Variants in NFASC observed in about 807,000 individuals in gnomAD.
NFASC encodes the protein neurofascin, also known as neurofascin homolog.
Under a neutral mutation model 147.5 loss-of-function variants are expected in NFASC, and 43 were observed. The ratio of observed to expected loss-of-function variants is 0.29; its 90% CI spans 0.23 to 0.38. The LOEUF (loss-of-function observed/expected upper bound fraction) is 0.38, where lower values mean the gene tolerates loss of function less well. Among genes scored for constraint, NFASC ranks in the 10% least tolerant of loss-of-function variants. The pLI is 1.00. For missense variants in NFASC, 1,320 were observed against 1,689.0 expected (o/e 0.78, Z 3.83); for synonymous variants, 622 against 665.5 (o/e 0.93, Z 1.01).
chr1:204,848,312 C>T (rs1400901652), intron 1 of NFASC, among the ~76,000 whole-genome samples: 1 of 152,164 alleles, frequency 6.6e-6, no homozygotes, highest in Non-Finnish European at 1.5e-5. Context: ...CTCACTGAGG[C>T]CTCAACTTCC....
At chr1:205,008,948 C>T (rs531584421) in intron 27 of NFASC, 1 of 167,002 alleles carries the variant, frequency 6.0e-6, no homozygotes, top group Non-Finnish European at 1.3e-5. Context: ...GCAGGATCCA[C>T]TAGAGAGATG....
In NFASC at chr1:204,997,189, G is replaced by A. The variant is rs369823531; in HGVS notation, c.2802G>A (p.Pro934=). The A allele has an allele frequency of 1.1e-5, 17 of 1,612,314 alleles. No individual in the cohort carries two copies. The highest frequency in any genetic ancestry group is 1.7e-4 in the Middle Eastern group (1 of 6,052). ...TCTCAGCTCCTCCCACATTGCCCCC[G>A]ACTACCGTGGGTGCGACGGGCGCTG... ...TPTAAPPTLP[P]TTVGATGAVS... is the part of the protein sequence containing the mutation. Residue 934 remains proline (P), a synonymous_variant, in exon 25 of 30, where the codon CCG becomes CCA. Transcript: ENST00000339876.
intron 2 of NFASC, among the ~76,000 whole-genome samples, chr1:204,941,161 T>G (rs2093339612): frequency 6.6e-6 from 1 of 152,206 alleles, no homozygotes; most frequent in African/African-American, 2.4e-5. Flanking sequence ...CTAGGTAAAC[T>G]CAAACCAGTC....
chr1:204,992,249 T>C (rs1456015713), intron 24 of NFASC, among the ~76,000 whole-genome samples: 1 of 152,104 alleles, frequency 6.6e-6, no homozygotes, highest in African/African-American at 2.4e-5. Context: ...TACAAGCAAG[T>C]GCTCAGCAGA....
rs1388809726 is a variant in NFASC at position 204,975,398 on chromosome 1, G to A, written c.1686G>A (p.Glu562=). The change falls in exon 15 of 30, where the codon GAG becomes GAA. Residue 562 remains glutamate (E), a synonymous_variant. Transcript: ENST00000339876. The surrounding 1 kb of genome is among the most constrained non-coding windows in gnomAD (Gnocchi z 4.0). ...CCGTCTCCTGGCTGAAGGATGACGAGCCGCTCTATATTGGAAACAGGTTTC... is the reference window on the plus strand; with the variant it reads ...CCGTCTCCTGGCTGAAGGATGACGAACCGCTCTATATTGGAAACAGGTTTC... The part of the protein sequence containing the change: ...KLTVSWLKDD[E]PLYIGNRMKK... 1.2e-6 allele frequency: 2 copies of A among 1,613,942 alleles called. No homozygotes were observed. The highest frequency in any genetic ancestry group is 1.7e-6 in the Non-Finnish European group (2 of 1,179,930).
rs532147203 is a variant in NFASC at position 204,886,668 on chromosome 1, A to T, written c.-199-33964A>T. Among the ~76,000 whole-genome samples the T allele has an allele frequency of 3.9e-5, 6 of 152,308 alleles. No homozygotes were observed. In the East Asian group the frequency reaches 1.2e-3, roughly 29 times the overall value. ...CTGGTCCAGCTGAGGTGCTTTGGTC[A>T]TCTAGTTCAACCCCCTTGTACAAAT... On this transcript the variant is annotated intron_variant, in intron 1 of 29. Coordinates refer to ENST00000339876, the MANE Select transcript of NFASC (RefSeq NM_001005388.3).
chr1:204,946,853 G>A (rs1035393549), intron 3 of NFASC: 26 of 483,058 alleles, frequency 5.4e-5, no homozygotes, highest in African/African-American at 2.6e-4. Flanking sequence ...AAGACCAAGC[G>A]AGGCCAGCCG....
chr1:204,947,852 A>C (rs561887074), intron 3 of NFASC, among the ~76,000 whole-genome samples: 17 of 151,922 alleles, frequency 1.1e-4, no homozygotes, highest in African/African-American at 4.1e-4. Context: ...TCATATGCAC[A>C]CTCTCACACA....
rs144043370 is a variant in NFASC at position 204,847,340 on chromosome 1, A to G, written c.-200+18558A>G. On this transcript the variant is annotated intron_variant, in intron 1 of 29. Transcript: ENST00000339876. The stretch of plus-strand genomic sequence containing the variant: ...CACATTCTACTTACGACATTTTTTC[A>G]GCTGCCCTGTTTTCCAGGCAAGAAA... 1.8e-4 allele frequency among the ~76,000 whole-genome samples: 27 copies of G among 152,306 alleles called. No homozygotes were observed. The East Asian group carries it at 5.0e-3, about 28-fold the overall frequency.
At chr1:204,967,746 G>A (rs1281370324) in intron 8 of NFASC, 2 of 152,826 alleles carry the variant, frequency 1.3e-5, no homozygotes, top group South Asian at 2.0e-4. Flanking sequence ...CTGATTGATT[G>A]TGCGGGCTTT....
intron 1 of NFASC, among the ~76,000 whole-genome samples, chr1:204,895,389 C>T (rs972467936): frequency 3.9e-5 from 6 of 152,226 alleles, no homozygotes; most frequent in Non-Finnish European, 5.9e-5. Context: ...CTTCTCTGAA[C>T]TCCTGCTTCA....
intron 3 of NFASC, chr1:204,948,799 T>C: frequency 2.0e-6 from 1 of 497,524 alleles, no homozygotes. Context: ...GGAGGTCCCT[T>C]GTCAGGCTTG....
At chr1:204,906,761 CAAGCTCCGCCTCCCGGGCTCAT>C (rs2086016674) in intron 1 of NFASC, among the ~76,000 whole-genome samples, 2 of 57,518 alleles carry the variant, frequency 3.5e-5, no homozygotes, top group African/African-American at 1.7e-4. Flanking sequence ...CGGCTCACTG[CAAGCTCCGCCTCCCGGGCTCAT>C]GCCATTCTCC....
chr1:204,854,792 A>G (rs576944827), intron 1 of NFASC, among the ~76,000 whole-genome samples: 5 of 152,322 alleles, frequency 3.3e-5, no homozygotes, highest in African/African-American at 1.2e-4. Context: ...TACCCTGGCA[A>G]GTCCTTGGTA....
intron 1 of NFASC, among the ~76,000 whole-genome samples, chr1:204,867,997 T>C (rs1335521320): frequency 6.6e-6 from 1 of 152,232 alleles, no homozygotes; most frequent in Non-Finnish European, 1.5e-5. Context: ...ATTTCTAAGC[T>C]CCTCTGACAG....
In NFASC at chr1:204,841,362, G is replaced by A. The variant is rs186984106; in HGVS notation, c.-200+12580G>A. Reference sequence around the variant, plus strand: ...ATTGGGAAACTCTGGGTTCCAGCACGAGTTGATGATCCCTTTGTTTGAGAA... The same window carrying A: ...ATTGGGAAACTCTGGGTTCCAGCACAAGTTGATGATCCCTTTGTTTGAGAA... On this transcript the variant is annotated intron_variant, in intron 1 of 29. Transcript: ENST00000339876. 1.1e-3 allele frequency among the ~76,000 whole-genome samples: 167 copies of A among 152,338 alleles called. 1 individual carries two copies. Among genetic ancestry groups the A allele is most frequent in the African/African-American group, 3.7e-3 (155 of 41,576 alleles).
intron 2 of NFASC, among the ~76,000 whole-genome samples, chr1:204,934,545 A>G (rs572599909): frequency 2.6e-5 from 4 of 152,324 alleles, no homozygotes; most frequent in African/African-American, 9.6e-5. Flanking sequence ...GAGTCTTCCT[A>G]TGTCTTCTCT....
At chr1:204,945,292 G>A (rs1053838707) in intron 3 of NFASC, among the ~76,000 whole-genome samples, 2 of 152,180 alleles carry the variant, frequency 1.3e-5, no homozygotes, top group African/African-American at 4.8e-5. Flanking sequence ...TCTGACCCCT[G>A]TTCCTTGTGT....
chr1:204,874,251 A>G lies in NFASC; in HGVS notation c.-200+45469A>G, dbSNP rs139755615. On this transcript the variant is annotated intron_variant, in intron 1 of 29. Coordinates refer to ENST00000339876, the MANE Select transcript of NFASC (RefSeq NM_001005388.3). ...CTGCCGCTGGGCTTGGCTCAGGTTA[A>G]ATAACCCATGGTCTCCATGTTGCCT... Among the ~76,000 whole-genome samples, 232 of 152,264 alleles carry G rather than the reference A, an allele frequency of 1.5e-3. 1 individual carries two copies. Among genetic ancestry groups the G allele is most frequent in the African/African-American group, 5.1e-3 (213 of 41,556 alleles).
Sources: allele counts gnomAD v4.1 joint callset (sites outside exome capture counted in the v4.1 genomes callset), GRCh38; gene constraint gnomAD v4.1.1; non-coding constraint Gnocchi (gnomAD v3.1); transcripts MANE v1.5; gene names NCBI Gene and HGNC (gene_info 2026-07-23, HGNC 2026-07-21).